Variants in STXBP5 observed in about 807,000 individuals in gnomAD.
STXBP5 encodes syntaxin-binding protein 5.
A neutral mutation model predicts 152.4 loss-of-function variants in STXBP5; 50 were observed. That is an observed-to-expected ratio of 0.33 (90% CI 0.26 to 0.42). The LOEUF (loss-of-function observed/expected upper bound fraction) is 0.42, where lower values mean the gene tolerates loss of function less well. STXBP5 is among the 10% of genes least tolerant of loss of function. The pLI is 1.00. For missense variants in STXBP5, 1,167 were observed against 1,388.6 expected, an observed-to-expected ratio of 0.84 and a Z score of 2.54; for synonymous variants, 492 against 494.7, an observed-to-expected ratio of 0.99 and a Z score of 0.07.
At chr6:147,254,618 A>C (rs952462634) in intron 4 of STXBP5, among the ~76,000 whole-genome samples, 1 of 152,192 alleles carries the variant, frequency 6.6e-6, no homozygotes, top group Admixed American at 6.5e-5. Flanking sequence ...CCCCATCAAA[A>C]AGTGGGCAAA....
At chr6:147,209,813 A>G (rs974465042) in intron 2 of STXBP5, among the ~76,000 whole-genome samples, 9 of 152,192 alleles carry the variant, frequency 5.9e-5, no homozygotes, top group African/African-American at 1.4e-4. Context: ...GGAGTGGGAA[A>G]ATTATTCTAG....
chr6:147,248,733 C>T (rs571091702), intron 4 of STXBP5, among the ~76,000 whole-genome samples: 1 of 152,158 alleles, frequency 6.6e-6, no homozygotes, highest in South Asian at 2.1e-4. Context: ...ATAGCTATTT[C>T]TTGTTAATTA....
At chr6:147,358,986 C>A in intron 22 of STXBP5, 98 bp from the exon 23 acceptor site, 1 of 1,384,238 alleles carries the variant, frequency 7.2e-7, no homozygotes, top group Non-Finnish European at 9.8e-7. Flanking sequence ...GTTTTGTCTT[C>A]TTGCAGATTA....
chr6:147,319,895 A>G (rs565525658), intron 16 of STXBP5, among the ~76,000 whole-genome samples: 1 of 137,268 alleles, frequency 7.3e-6, no homozygotes, highest in South Asian at 2.2e-4. Context: ...ATGCTGGAGT[A>G]CAGTGGTGTG....
At chr6:147,230,191 T>A (rs1777925901) in intron 2 of STXBP5, among the ~76,000 whole-genome samples, 1 of 152,004 alleles carries the variant, frequency 6.6e-6, no homozygotes, top group South Asian at 2.1e-4. Context: ...GTTTATTTAT[T>A]TCTATTTCTT....
At chr6:147,336,745 T>TCTCTTG (rs1466901362) in intron 19 of STXBP5, among the ~76,000 whole-genome samples, 1 of 151,984 alleles carries the variant, frequency 6.6e-6, no homozygotes, top group Non-Finnish European at 1.5e-5. Flanking sequence ...GGATTGGGAG[T>TCTCTTG]TAAAATGAGT....
chr6:147,363,798 T>G lies in STXBP5; in HGVS notation c.2915+94T>G, dbSNP rs1785173738. Reference sequence around the variant, plus strand: ...TTAAAAGAAATGCTTTTTGTGTGTGTATAGTCTTATACTCTGAGAATTTAT... The same window carrying G: ...TTAAAAGAAATGCTTTTTGTGTGTGGATAGTCTTATACTCTGAGAATTTAT... On this transcript the variant is annotated intron_variant, in intron 24 of 27. Transcript: ENST00000321680. The G allele has an allele frequency of 4.0e-6, 6 of 1,485,432 alleles. No individual in the cohort carries two copies. The Admixed American group carries it at 1.4e-4, about 33-fold the overall frequency. The allele number at this position is 1,485,432 out of a possible 1,614,324, so 92.0% of individuals were successfully genotyped here.
At chr6:147,274,527 T>A (rs1780344898) in intron 7 of STXBP5, among the ~76,000 whole-genome samples, 1 of 152,188 alleles carries the variant, frequency 6.6e-6, no homozygotes. Flanking sequence ...ATGGTGTAAC[T>A]ATATTGAAAA....
At chr6:147,376,711 T>C (rs1276538630) in intron 26 of STXBP5, among the ~76,000 whole-genome samples, 5 of 151,970 alleles carry the variant, frequency 3.3e-5, no homozygotes, top group African/African-American at 1.2e-4. Context: ...CTCATGAAGC[T>C]GAGGCAGGAG....
At chr6:147,305,610 TAGG>T (rs772633364) in intron 9 of STXBP5, among the ~76,000 whole-genome samples, 4 of 152,184 alleles carry the variant, frequency 2.6e-5, no homozygotes, top group Non-Finnish European at 2.9e-5. Context: ...TAATACCAAA[TAGG>T]AGAGTGTGAA....
At chr6:147,313,187 T>A (rs1323876901) in intron 11 of STXBP5, among the ~76,000 whole-genome samples, 1 of 152,218 alleles carries the variant, frequency 6.6e-6, no homozygotes, top group Non-Finnish European at 1.5e-5. Context: ...AGTAGACTGA[T>A]CTAATTTTTG....
At chr6:147,322,078 C>T (rs1782965094) in intron 16 of STXBP5, among the ~76,000 whole-genome samples, 1 of 152,030 alleles carries the variant, frequency 6.6e-6, no homozygotes, top group African/African-American at 2.4e-5. Flanking sequence ...TAAAATTATC[C>T]CTGGAATGCC....
chr6:147,281,217 C>T (rs377439518), intron 8 of STXBP5, among the ~76,000 whole-genome samples: 25 of 151,874 alleles, frequency 1.6e-4, no homozygotes, highest in Non-Finnish European at 2.2e-4. Flanking sequence ...CCACCATGCC[C>T]GGCTAATTTT....
At chr6:147,314,532 T>A in intron 13 of STXBP5, 64 bp from the exon 14 acceptor site, 1 of 1,529,346 alleles carries the variant, frequency 6.5e-7, no homozygotes, top group Non-Finnish European at 9.0e-7. Flanking sequence ...TTAATAGCAG[T>A]ACCCATTTAA....
At chr6:147,285,035 T>G (rs988904968) in intron 8 of STXBP5, among the ~76,000 whole-genome samples, 1 of 152,076 alleles carries the variant, frequency 6.6e-6, no homozygotes, top group Non-Finnish European at 1.5e-5. Context: ...TGAATGAAAT[T>G]CTGGAATTAG....
intron 11 of STXBP5, among the ~76,000 whole-genome samples, chr6:147,313,020 TATAAAG>T (rs2128372638): frequency 6.6e-6 from 1 of 152,304 alleles, no homozygotes; most frequent in Non-Finnish European, 1.5e-5. Flanking sequence ...TAATGTGTGT[TATAAAG>T]AGAAGAAAGT....
intron 9 of STXBP5, among the ~76,000 whole-genome samples, chr6:147,294,378 T>A (rs778952387): frequency 1.3e-5 from 2 of 152,070 alleles, no homozygotes; most frequent in East Asian, 3.9e-4. Flanking sequence ...GCCTACCTCA[T>A]TGAGTTGTTA....
chr6:147,327,197 C>T lies in STXBP5; in HGVS notation c.2001C>T (p.Gly667=), dbSNP rs748425578. ...YLQKAVLLNL[G]TIELYGSNDP... is the part of the protein sequence containing the mutation. ...AGAAAGCAGTGCTGCTCAACCTGGG[C>T]ACTATTGAATTATATGGCTCTAATG... The change falls in exon 18 of 28, where the codon GGC becomes GGT. Residue 667 remains glycine (G), a synonymous_variant. Coordinates refer to ENST00000321680, the MANE Select transcript of STXBP5 (RefSeq NM_001127715.4). The T allele has an allele frequency of 1.9e-6, 3 of 1,613,960 alleles. No homozygotes were observed. In the South Asian group the frequency reaches 3.3e-5, roughly 18 times the overall value.
In STXBP5 at chr6:147,204,584, T is replaced by C; in HGVS notation, c.52T>C (p.Ser18Pro). Residue 18 changes from serine to proline, a missense_variant, in exon 1 of 28, where the codon TCC becomes CCC. Coordinates refer to ENST00000321680, the MANE Select transcript of STXBP5 (RefSeq NM_001127715.4). This position sits in a 1 kb window ranked among gnomAD's most constrained non-coding sequence, Gnocchi z 4.3. ...GCTGGACGGCCTGACCGCCGGCTCG[T>C]CCTCGGCGTCGCAGCAGCAACAGCA... ...KVLDGLTAGSSSASQQQQQQH... is the reference protein window; with the variant it reads ...KVLDGLTAGSPSASQQQQQQH... 1 of 1,609,136 alleles carries C rather than the reference T, an allele frequency of 6.2e-7. No individual in the cohort carries two copies. The highest frequency in any genetic ancestry group is 8.5e-7 in the Non-Finnish European group (1 of 1,178,042).
Sources: allele counts gnomAD v4.1 joint callset (sites outside exome capture counted in the v4.1 genomes callset), GRCh38; gene constraint gnomAD v4.1.1; non-coding constraint Gnocchi (gnomAD v3.1); transcripts MANE v1.5; gene names NCBI Gene and HGNC (gene_info 2026-07-23, HGNC 2026-07-21).